The following NDE1 variants were observed in gnomAD, a reference collection of about 807,000 sequenced individuals.
NDE1 encodes the protein nudE neurodevelopment protein 1.
NDE1 carries 28 observed loss-of-function variants against 43.4 expected under a neutral mutation model. The ratio of observed to expected loss-of-function variants is 0.65; its 90% CI spans 0.48 to 0.89. The LOEUF (loss-of-function observed/expected upper bound fraction) is 0.89. Ranked by LOEUF, NDE1 falls within the 40% of genes least tolerant of loss-of-function variation. The pLI, the probability that NDE1 is intolerant of heterozygous loss-of-function variation, is 0.00. For synonymous variants in NDE1, 184 were observed against 172.0 expected (o/e 1.07, Z -0.55); for missense variants, 441 against 434.1 (o/e 1.02, Z -0.14).
intron 1 of NDE1, among the ~76,000 whole-genome samples, chr16:15,655,807 T>G (rs1437455467): frequency 1.3e-5 from 2 of 151,440 alleles, no homozygotes; most frequent in Non-Finnish European, 2.9e-5. Context: ...CCATAAAAAA[T>G]GATGAGTTCA....
intron 4 of NDE1, 33 bp from the exon 5 acceptor site, chr16:15,687,342 C>G: frequency 6.2e-7 from 1 of 1,613,868 alleles, no homozygotes; most frequent in Non-Finnish European, 8.5e-7. Flanking sequence ...TGCGGTTTGT[C>G]CTCTTGGATA....
At chr16:15,667,551 A>G (rs1023978842) in intron 3 of NDE1, 112 bp downstream of exon 3, 4 of 1,327,746 alleles carry the variant, frequency 3.0e-6, no homozygotes, top group Admixed American at 1.9e-5. Context: ...CCCCAGGCCC[A>G]TGCTCATCTC....
chr16:15,717,383 A>G (rs773105544), intron 8 of NDE1: 10 of 1,599,866 alleles, frequency 6.3e-6, no homozygotes, highest in Non-Finnish European at 7.6e-6. Flanking sequence ...AGGCGGACTC[A>G]GGGAAGCCCA....
chr16:15,644,942 C>G (rs950493786), intron 1 of NDE1, among the ~76,000 whole-genome samples: 17 of 124,322 alleles, frequency 1.4e-4, no homozygotes, highest in Admixed American at 4.4e-4. Flanking sequence ...TTTTTTGAGA[C>G]AAAGTCTTGC....
chr16:15,704,354 CG>C (rs1275820024), intron 8 of NDE1, among the ~76,000 whole-genome samples: 2 of 151,988 alleles, frequency 1.3e-5, no homozygotes, highest in African/African-American at 4.8e-5. Context: ...AAATTGGTTG[CG>C]GGGGTGGGTG....
intron 1 of NDE1, among the ~76,000 whole-genome samples, 158 bp downstream of exon 1, chr16:15,650,452 GCCTGGACTCCCCCGGTC>G (rs1567611829): frequency 6.6e-6 from 1 of 152,212 alleles, no homozygotes; most frequent in Admixed American, 6.5e-5. Flanking sequence ...CTTCCCGGCC[GCCTGGACTCCCCCGGTC>G]CCTGGGCTCC....
chr16:15,719,656 T>C, intron 8 of NDE1: 1 of 1,614,174 alleles, frequency 6.2e-7, no homozygotes, highest in Non-Finnish European at 8.5e-7. Flanking sequence ...GTGGCAAAGA[T>C]CTCATCTCTG....
intron 8 of NDE1, chr16:15,717,373 A>T: frequency 6.2e-7 from 1 of 1,601,596 alleles, no homozygotes; most frequent in Non-Finnish European, 8.5e-7. Flanking sequence ...GAAGGCCATG[A>T]GGCGGACTCA....
rs755011758 is a variant in NDE1, at chr16:15,691,264, C to T, written c.644C>T (p.Thr215Met). Reference protein sequence around the residue: ...AVQATGSVPSTPIAHRGPSSS... With the variant: ...AVQATGSVPSMPIAHRGPSSS... ...CAGGCCACGGGCTCCGTGCCGTCCA[C>T]GCCCATTGCTCACCGAGGACCCAGC... The change falls in exon 6 of 9, where the codon ACG becomes ATG. Residue 215 changes from threonine to methionine, a missense_variant. Transcript: ENST00000396354. 1.3e-5 allele frequency: 21 copies of T among 1,614,024 alleles called. 1 individual carries two copies. The highest frequency in any genetic ancestry group is 2.7e-5 in the African/African-American group (2 of 74,924).
rs182730958 is a variant in NDE1 at position 15,699,769 on chromosome 16, A to G, written c.947+2909A>G. Reference sequence around the variant, plus strand: ...GGAATTTGGGAAGCCGCCTTCACACATGTCTTCATCGCCGCTGCCGTCAGC... The same window carrying G: ...GGAATTTGGGAAGCCGCCTTCACACGTGTCTTCATCGCCGCTGCCGTCAGC... On this transcript the variant is annotated intron_variant, in intron 8 of 8. Transcript: ENST00000396354. 1.6e-5 allele frequency: 21 copies of G among 1,351,428 alleles called. No individual in the cohort carries two copies. In the African/African-American group the frequency reaches 2.2e-4, roughly 14 times the overall value. The allele number at this position is 1,351,428 out of a possible 1,614,324, so 83.7% of individuals were successfully genotyped here.
At chr16:15,665,569 G>T (rs763338948) in intron 2 of NDE1, among the ~76,000 whole-genome samples, 2 of 151,294 alleles carry the variant, frequency 1.3e-5, no homozygotes, top group Non-Finnish European at 2.9e-5. Context: ...TCAGCTTCTC[G>T]AGTAGCTGGA....
rs776485778 is a variant in NDE1 at position 15,724,186 on chromosome 16, T to G, written c.948-5T>G. On this transcript the variant is annotated splice_polypyrimidine_tract_variant and splice_region_variant and intron_variant, in intron 8 of 8. Coordinates refer to ENST00000396354, the MANE Select transcript of NDE1 (RefSeq NM_017668.3). ...CTGATCAAATTTCCTCTGCTTCTTT[T>G]CCAGGTTGGACACGAGTTGCCGCTG... The G allele has an allele frequency of 6.2e-7, 1 of 1,613,950 alleles. No homozygotes were observed. The highest frequency in any genetic ancestry group is 8.5e-7 in the Non-Finnish European group (1 of 1,180,048).
chr16:15,693,424 G>A (rs1039577720), intron 6 of NDE1, among the ~76,000 whole-genome samples: 2 of 152,154 alleles, frequency 1.3e-5, no homozygotes, highest in African/African-American at 4.8e-5. Context: ...TATAGTTCTT[G>A]TATCTATCAC....
chr16:15,675,769 A>AC (rs941476572), intron 3 of NDE1, among the ~76,000 whole-genome samples: 24 of 152,114 alleles, frequency 1.6e-4, no homozygotes, highest in Admixed American at 1.2e-3. Flanking sequence ...CAGAGCCGGA[A>AC]CAGAATCAAG....
intron 8 of NDE1, among the ~76,000 whole-genome samples, chr16:15,706,520 C>T (rs1413491500): frequency 1.3e-5 from 2 of 152,044 alleles, no homozygotes; most frequent in Non-Finnish European, 2.9e-5. Flanking sequence ...CCATCCTGGC[C>T]AATATGGTGA....
intron 8 of NDE1, among the ~76,000 whole-genome samples, chr16:15,716,208 T>G (rs1042320017): frequency 2.0e-5 from 3 of 152,006 alleles, no homozygotes; most frequent in Admixed American, 2.0e-4. Flanking sequence ...GCCGGGATTA[T>G]GGGCATGAAA....
intron 8 of NDE1, chr16:15,719,518 T>C (rs1278799035): frequency 6.2e-7 from 1 of 1,609,354 alleles, no homozygotes; most frequent in Admixed American, 1.7e-5. Context: ...ATGCACAGAC[T>C]GGAGCTGCCA....
At chr16:15,646,608 G>T (rs2036334563), upstream of NDE1, among the ~76,000 whole-genome samples, 1 of 151,610 alleles carries the variant, frequency 6.6e-6, no homozygotes. Flanking sequence ...TCCAAGGGGG[G>T]TTAATACCAG....
intron 1 of NDE1, among the ~76,000 whole-genome samples, 158 bp downstream of exon 1, chr16:15,650,452 G>T (rs1297119232): frequency 3.3e-5 from 5 of 152,212 alleles, no homozygotes; most frequent in Admixed American, 6.5e-5. Flanking sequence ...CTTCCCGGCC[G>T]CCTGGACTCC....
Sources: gnomAD v4.1 joint callset for allele counts (sites outside exome capture counted in the v4.1 genomes callset) on GRCh38, gnomAD v4.1.1 for gene constraint, MANE v1.5 for transcripts, NCBI Gene and HGNC (gene_info 2026-07-23, HGNC 2026-07-21) for gene names.